Variants in H3C8 observed in about 807,000 individuals in gnomAD.
The protein encoded by H3C8 is histone H3.1.
A neutral mutation model predicts 7.9 loss-of-function variants in H3C8; 15 were observed. The observed-to-expected ratio is 1.90, with a 90% CI of 1.27 to 2.93. The LOEUF (loss-of-function observed/expected upper bound fraction) is 2.93, where lower values mean the gene tolerates loss of function less well. Among genes scored for constraint, H3C8 ranks in the 30% most tolerant of loss-of-function variants. The probability of loss-of-function intolerance (pLI) is 0.00; values close to 1 mark genes in which losing one functional copy is unlikely to be tolerated. For missense variants in H3C8, 230 were observed against 190.4 expected, an observed-to-expected ratio of 1.21 and a Z score of -1.23; for synonymous variants, 143 against 77.6, an observed-to-expected ratio of 1.84 and a Z score of -4.43.
chr6:26,271,227 C>T lies in H3C8; in HGVS notation c.158G>A (p.Arg53His), dbSNP rs1436060145. The T allele has an allele frequency of 5.0e-6, 8 of 1,614,236 alleles. No homozygotes were observed. Among genetic ancestry groups the T allele is most frequent in the South Asian group, 1.1e-5 (1 of 91,086 alleles). ...CAGCTCAGTCGACTTCTGATAGCGG[C>T]GAATCTCGCGCAGAGCCACGGTGCC... is the stretch of plus-strand genomic sequence containing the variant. ...RPGTVALREI[R>H]RYQKSTELLI... is the part of the protein sequence containing the mutation. Residue 53 changes from arginine to histidine, a missense_variant, in exon 1 of 1, where the codon CGC becomes CAC. Physicochemically the swap from Arg to His is conservative, Grantham distance 29. Coordinates refer to ENST00000614378, the MANE Select transcript of H3C8 (RefSeq NM_003534.3).
In H3C8 at chr6:26,270,918, T is replaced by C. The variant is rs1760434937; in HGVS notation, c.*56A>G. On this transcript the variant is annotated 3_prime_UTR_variant, in exon 1 of 1. Transcript: ENST00000614378. ...AATCACAGCTATTTTCGGGTGAAAG[T>C]AGGCGGCTCTTAAAAGAGCCTTTTT... 5.2e-6 allele frequency: 8 copies of C among 1,533,974 alleles called. No homozygotes were observed. Among genetic ancestry groups the C allele is most frequent in the African/African-American group, 1.4e-5 (1 of 71,870 alleles).
At position 26,270,987 on chromosome 6, in the gene H3C8, C is replaced by A. The variant is rs373054706; in HGVS notation, c.398G>T (p.Gly133Val). The A allele has an allele frequency of 6.2e-7, 1 of 1,614,212 alleles. No individual in the cohort carries two copies. Among genetic ancestry groups the A allele is most frequent in the South Asian group, 1.1e-5 (1 of 91,090 alleles). Reference sequence around the variant, plus strand: ...GCCCGGAAACCTCTACGCTCTCTCCCCACGAATGCGGCGAGCGAGCTGAAT... The same window carrying A: ...GCCCGGAAACCTCTACGCTCTCTCCACACGAATGCGGCGAGCGAGCTGAAT... ...KDIQLARRIR[G>V]ERA The change falls in exon 1 of 1, where the codon GGG becomes GTG. Residue 133 changes from glycine (G) to valine (V), a missense_variant. Gly to Val is a moderately radical substitution (Grantham distance 109). Transcript: ENST00000614378.
Position 26,270,928 on chromosome 6 carries a change from T to G in H3C8, c.*46A>C. 6.3e-7 allele frequency: 1 copy of G among 1,582,760 alleles called. No individual in the cohort carries two copies. Among genetic ancestry groups the G allele is most frequent in the East Asian group, 2.2e-5 (1 of 44,654 alleles). ...ATTTTCGGGTGAAAGTAGGCGGCTC[T>G]TAAAAGAGCCTTTTTAAGTTGGATA... On this transcript the variant is annotated 3_prime_UTR_variant, in exon 1 of 1. Transcript: ENST00000614378.
Position 26,271,087 on chromosome 6 carries a change from A to T in H3C8, c.298T>A (p.Tyr100Asn). The change falls in exon 1 of 1, where the codon TAC (tyrosine) becomes AAC (asparagine). Residue 100 changes from tyrosine (Y) to asparagine (N), a missense_variant. Coordinates refer to ENST00000614378, the MANE Select transcript of H3C8 (RefSeq NM_003534.3). ...VMALQEACEA[Y>N]LVGLFEDTNL... ...GTATCCTCAAAGAGCCCCACCAAGT[A>T]GGCCTCGCAGGCCTCCTGCAGGGCC... is the stretch of plus-strand genomic sequence containing the variant. 6.2e-7 allele frequency: 1 copy of T among 1,614,238 alleles called. No individual in the cohort carries two copies. The highest frequency in any genetic ancestry group is 8.5e-7 in the Non-Finnish European group (1 of 1,180,020).
In H3C8 at chr6:26,271,204, G is replaced by A. The variant is rs777500543; in HGVS notation, c.181C>T (p.Leu61=). The change falls in exon 1 of 1, where the codon CTG becomes TTG. Residue 61 remains leucine, a synonymous_variant. Coordinates refer to ENST00000614378, the MANE Select transcript of H3C8 (RefSeq NM_003534.3). ...TGGAAAGGCAACTTGCGGATCAGCA[G>A]CTCAGTCGACTTCTGATAGCGGCGA... is the stretch of plus-strand genomic sequence containing the variant. The part of the protein sequence containing the change: ...EIRRYQKSTE[L]LIRKLPFQRL... 3.1e-6 allele frequency: 5 copies of A among 1,614,282 alleles called. No individual in the cohort carries two copies. In the Admixed American group the frequency reaches 5.0e-5, roughly 16 times the overall value.
rs2113606811 is a variant in H3C8 at position 26,270,996 on chromosome 6, C to T, written c.389G>A (p.Arg130His). The change falls in exon 1 of 1, where the codon CGC becomes CAC. Residue 130 changes from arginine (R) to histidine (H), a missense_variant. Arg to His is a conservative substitution (Grantham distance 29). Coordinates refer to ENST00000614378, the MANE Select transcript of H3C8 (RefSeq NM_003534.3). ...CCTCTACGCTCTCTCCCCACGAATG[C>T]GGCGAGCGAGCTGAATGTCCTTGGG... ...IMPKDIQLAR[R>H]IRGERA is the part of the protein sequence containing the mutation. 1 of 1,614,186 alleles carries T rather than the reference C, an allele frequency of 6.2e-7. No homozygotes were observed. The highest frequency in any genetic ancestry group is 8.5e-7 in the Non-Finnish European group (1 of 1,180,030).
Position 26,271,172 on chromosome 6 carries a change from C to T in H3C8, c.213G>A (p.Leu71=), listed in dbSNP as rs1449799041. The T allele has an allele frequency of 6.2e-7, 1 of 1,614,262 alleles. No homozygotes were observed. Among genetic ancestry groups the T allele is most frequent in the Non-Finnish European group, 8.5e-7 (1 of 1,180,038 alleles). Residue 71 remains leucine, a synonymous_variant, in exon 1 of 1, where the codon CTG becomes CTA. Transcript: ENST00000614378. ...LLIRKLPFQR[L]VREIAQDFKT... ...TGAAGTCCTGAGCGATTTCTCGCAC[C>T]AGGCGTTGGAAAGGCAACTTGCGGA... is the stretch of plus-strand genomic sequence containing the variant.
Position 26,271,086 on chromosome 6 carries a change from T to C in H3C8, c.299A>G (p.Tyr100Cys). 6.2e-7 allele frequency: 1 copy of C among 1,614,228 alleles called. No individual in the cohort carries two copies. The highest frequency in any genetic ancestry group is 1.7e-5 in the Admixed American group (1 of 60,036). Residue 100 changes from tyrosine (Y) to cysteine (C), a missense_variant, in exon 1 of 1, where the codon TAC becomes TGC. Tyr to Cys is a radical substitution (Grantham distance 194, BLOSUM62 -2). Coordinates refer to ENST00000614378, the MANE Select transcript of H3C8 (RefSeq NM_003534.3). ...GGTATCCTCAAAGAGCCCCACCAAG[T>C]AGGCCTCGCAGGCCTCCTGCAGGGC... ...VMALQEACEAYLVGLFEDTNL... is the reference protein window; with the variant it reads ...VMALQEACEACLVGLFEDTNL...
rs769801547 is a variant in H3C8 at position 26,271,273 on chromosome 6, T to TA, written c.111_112insT (p.Lys38Ter). The TA allele has an allele frequency of 3.1e-6, 5 of 1,614,018 alleles. No individual in the cohort carries two copies. Among genetic ancestry groups the TA allele is most frequent in the East Asian group, 2.2e-5 (1 of 44,896 alleles). ...GTGCCGGGACGGTAGCGATGAGGTTTCTTCACGCCGCCGGTGGCCGGCGCG... is the reference window on the plus strand; with the variant it reads ...GTGCCGGGACGGTAGCGATGAGGTTTACTTCACGCCGCCGGTGGCCGGCGCG... On this transcript the variant is annotated frameshift_variant, in exon 1 of 1. Coordinates refer to ENST00000614378, the MANE Select transcript of H3C8 (RefSeq NM_003534.3). LOFTEE classifies it high-confidence loss of function.
At position 26,271,358 on chromosome 6, in the gene H3C8, G is replaced by T; in HGVS notation, c.27C>A (p.Arg9=). 1 of 1,613,512 alleles carries T rather than the reference G, an allele frequency of 6.2e-7. No individual in the cohort carries two copies. The highest frequency in any genetic ancestry group is 8.5e-7 in the Non-Finnish European group (1 of 1,179,834). The change falls in exon 1 of 1, where the codon CGC becomes CGA. Residue 9 remains arginine (R), a synonymous_variant. Coordinates refer to ENST00000614378, the MANE Select transcript of H3C8 (RefSeq NM_003534.3). Reference sequence around the variant, plus strand: ...GCGGCGCTTTGCCACCGGTGGACTTGCGTGCAGTCTGCTTGGTGCGGGCCA... The same window carrying T: ...GCGGCGCTTTGCCACCGGTGGACTTTCGTGCAGTCTGCTTGGTGCGGGCCA... MARTKQTA[R]KSTGGKAPRK... is the part of the protein sequence containing the mutation.
chr6:26,271,368 T>C lies in H3C8; in HGVS notation c.17A>G (p.Gln6Arg). The change falls in exon 1 of 1, where the codon CAG (glutamine) becomes CGG (arginine). Residue 6 changes from glutamine (Q) to arginine (R), a missense_variant. Coordinates refer to ENST00000614378, the MANE Select transcript of H3C8 (RefSeq NM_003534.3). The stretch of plus-strand genomic sequence containing the variant: ...GCCACCGGTGGACTTGCGTGCAGTC[T>C]GCTTGGTGCGGGCCATCTCAGACTA... Reference protein sequence around the residue: MARTKQTARKSTGGKA... With the variant: MARTKRTARKSTGGKA... 1 of 1,612,812 alleles carries C rather than the reference T, an allele frequency of 6.2e-7. No individual in the cohort carries two copies. Among genetic ancestry groups the C allele is most frequent in the Non-Finnish European group, 8.5e-7 (1 of 1,179,668 alleles).
At position 26,270,959 on chromosome 6, in the gene H3C8, A is replaced by T. The variant is rs973131052; in HGVS notation, c.*15T>A. 1.2e-6 allele frequency: 2 copies of T among 1,609,258 alleles called. No individual in the cohort carries two copies. The highest frequency in any genetic ancestry group is 1.7e-6 in the Non-Finnish European group (2 of 1,178,640). The stretch of plus-strand genomic sequence containing the variant: ...GAGCCTTTTTAAGTTGGATAGAATT[A>T]CTGCCCGGAAACCTCTACGCTCTCT... On this transcript the variant is annotated 3_prime_UTR_variant, in exon 1 of 1. Coordinates refer to ENST00000614378, the MANE Select transcript of H3C8 (RefSeq NM_003534.3).
In H3C8 at chr6:26,271,335, G is replaced by A; in HGVS notation, c.50C>T (p.Pro17Leu). Residue 17 changes from proline to leucine, a missense_variant, in exon 1 of 1, where the codon CCG becomes CTG. By Grantham distance (98) the Pro-to-Leu change is moderately conservative. Transcript: ENST00000614378. ...TARKSTGGKAPRKQLATKAAR... is the reference protein window; with the variant it reads ...TARKSTGGKALRKQLATKAAR... The stretch of plus-strand genomic sequence containing the variant: ...CGCCTTAGTGGCCAGCTGCTTGCGC[G>A]GCGCTTTGCCACCGGTGGACTTGCG... 1.9e-6 allele frequency: 3 copies of A among 1,613,636 alleles called. No homozygotes were observed. The highest frequency in any genetic ancestry group is 1.7e-6 in the Non-Finnish European group (2 of 1,179,866).
chr6:26,271,049 G>A lies in H3C8; in HGVS notation c.336C>T (p.Ala112=), dbSNP rs777705552. Residue 112 remains alanine (A), a synonymous_variant, in exon 1 of 1, where the codon GCC becomes GCT. Transcript: ENST00000614378. ...VGLFEDTNLC[A]IHAKRVTIMP... is the part of the protein sequence containing the mutation. ...TGATAGTCACTCGCTTAGCATGGATGGCACACAGGTTGGTATCCTCAAAGA... is the reference window on the plus strand; with the variant it reads ...TGATAGTCACTCGCTTAGCATGGATAGCACACAGGTTGGTATCCTCAAAGA... 46 of 1,614,196 alleles carry A rather than the reference G, an allele frequency of 2.8e-5. 1 individual carries two copies. The South Asian group carries it at 4.8e-4, about 17-fold the overall frequency.
Position 26,270,977 on chromosome 6 carries a change from C to A in H3C8, c.408G>T (p.Ala136=). 6.2e-7 allele frequency: 1 copy of A among 1,614,020 alleles called. No individual in the cohort carries two copies. Among genetic ancestry groups the A allele is most frequent in the Non-Finnish European group, 8.5e-7 (1 of 1,179,982 alleles). ...TAGAATTACTGCCCGGAAACCTCTACGCTCTCTCCCCACGAATGCGGCGAG... is the reference window on the plus strand; with the variant it reads ...TAGAATTACTGCCCGGAAACCTCTAAGCTCTCTCCCCACGAATGCGGCGAG... The part of the protein sequence containing the change: ...QLARRIRGER[A] The change falls in exon 1 of 1, where the codon GCG becomes GCT. Residue 136 remains alanine, a synonymous_variant. Transcript: ENST00000614378.
Position 26,271,127 on chromosome 6 carries a change from C to T in H3C8, c.258G>A (p.Gln86=). The change falls in exon 1 of 1, where the codon CAG becomes CAA. Residue 86 remains glutamine (Q), a synonymous_variant. Transcript: ENST00000614378. The part of the protein sequence containing the change: ...AQDFKTDLRF[Q]SSAVMALQEA... The stretch of plus-strand genomic sequence containing the variant: ...CCTGCAGGGCCATCACCGCGGAACT[C>T]TGAAAGCGCAGATCTGTCTTGAAGT... The T allele has an allele frequency of 6.2e-7, 1 of 1,614,264 alleles. No individual in the cohort carries two copies. The highest frequency in any genetic ancestry group is 8.5e-7 in the Non-Finnish European group (1 of 1,180,042).
rs1453083205 is a variant in H3C8, at chr6:26,271,219, G to A, written c.166C>T (p.Gln56Ter). The change falls in exon 1 of 1, where the codon CAG (glutamine) becomes TAG (stop). Residue 56 changes from glutamine to a stop codon, truncating the protein, a stop_gained. Transcript: ENST00000614378. LOFTEE classifies it high-confidence loss of function. Reference protein sequence around the residue: ...TVALREIRRYQKSTELLIRKL... With the variant: ...TVALREIRRY ...CGGATCAGCAGCTCAGTCGACTTCT[G>A]ATAGCGGCGAATCTCGCGCAGAGCC... The A allele has an allele frequency of 6.2e-7, 1 of 1,614,270 alleles. No individual in the cohort carries two copies. Among genetic ancestry groups the A allele is most frequent in the Admixed American group, 1.7e-5 (1 of 60,036 alleles).
rs774747867 is a variant in H3C8, at chr6:26,271,376, GC to G, written c.8del (p.Arg3ProfsTer34). The G allele has an allele frequency of 1.7e-5, 28 of 1,611,494 alleles. No individual in the cohort carries two copies. Among genetic ancestry groups the G allele is most frequent in the Non-Finnish European group, 2.4e-5 (28 of 1,179,392 alleles). On this transcript the variant is annotated frameshift_variant, in exon 1 of 1. Coordinates refer to ENST00000614378, the MANE Select transcript of H3C8 (RefSeq NM_003534.3). LOFTEE classifies it high-confidence loss of function. Reference sequence around the variant, plus strand: ...TGGACTTGCGTGCAGTCTGCTTGGTGCGGGCCATCTCAGACTACCTGAAAGA... The same window carrying G: ...TGGACTTGCGTGCAGTCTGCTTGGTGGGGCCATCTCAGACTACCTGAAAGA... Reference protein sequence around the residue: MARTKQTARKSTG... With the variant: MAXTKQTARKSTG...
Position 26,271,379 on chromosome 6 carries a change from G to T in H3C8, c.6C>A (p.Ala2=), listed in dbSNP as rs139835510. The change falls in exon 1 of 1, where the codon GCC becomes GCA. Residue 2 remains alanine (A), a synonymous_variant. Coordinates refer to ENST00000614378, the MANE Select transcript of H3C8 (RefSeq NM_003534.3). The part of the protein sequence containing the change: M[A]RTKQTARKST... ...ACTTGCGTGCAGTCTGCTTGGTGCG[G>T]GCCATCTCAGACTACCTGAAAGAAA... The T allele has an allele frequency of 1.9e-6, 3 of 1,609,132 alleles. No homozygotes were observed. Among genetic ancestry groups the T allele is most frequent in the African/African-American group, 2.7e-5 (2 of 74,424 alleles).
Sources: gnomAD v4.1 joint callset for allele counts on GRCh38, gnomAD v4.1.1 for gene constraint, MANE v1.5 for transcripts, NCBI Gene and HGNC (gene_info 2026-07-23, HGNC 2026-07-21) for gene names.